Variants in DLGAP1 observed in about 807,000 individuals in gnomAD.
DLGAP1 encodes disks large-associated protein 1.
DLGAP1 carries 11 observed loss-of-function variants against 90.8 expected under a neutral mutation model. The observed-to-expected ratio is 0.12, with a 90% CI of 0.08 to 0.20. The LOEUF is 0.20. DLGAP1 is among the 10% of genes least tolerant of loss of function. DLGAP1 has a pLI of 1.00. For missense variants in DLGAP1, 1,050 were observed against 1,333.8 expected (o/e 0.79, Z 3.31); for synonymous variants, 558 against 540.7 (o/e 1.03, Z -0.44).
intron 2 of DLGAP1, among the ~76,000 whole-genome samples, chr18:4,032,548 A>T (rs994451292): frequency 6.7e-6 from 1 of 150,140 alleles, no homozygotes; most frequent in Non-Finnish European, 1.5e-5. Flanking sequence ...TGGGGTCAGG[A>T]GGTAAAGAGG....
chr18:4,343,200 G>A (rs942533495), intron 1 of DLGAP1, among the ~76,000 whole-genome samples: 6 of 151,764 alleles, frequency 4.0e-5, no homozygotes, highest in East Asian at 1.9e-4. Flanking sequence ...CCAGCTACTC[G>A]GGAGGCTGAG....
intron 3 of DLGAP1, among the ~76,000 whole-genome samples, chr18:3,993,514 A>AAAGGGAGGGGGT: frequency 6.6e-6 from 1 of 152,028 alleles, no homozygotes; most frequent in Non-Finnish European, 1.5e-5. Flanking sequence ...TGAAGGGGAG[A>AAAGGGAGGGGGT]AAGGGAGGGG....
intron 1 of DLGAP1, among the ~76,000 whole-genome samples, chr18:4,391,040 T>C (rs1183631351): frequency 6.6e-6 from 1 of 152,190 alleles, no homozygotes; most frequent in East Asian, 1.9e-4. Flanking sequence ...CTATCCCGAT[T>C]GACACATATA....
chr18:4,237,134 C>A (rs1158083181), intron 1 of DLGAP1, among the ~76,000 whole-genome samples: 1 of 152,244 alleles, frequency 6.6e-6, no homozygotes, highest in East Asian at 1.9e-4. Flanking sequence ...ACTGTGTGTG[C>A]CTTTCTGTTA....
chr18:3,527,891 T>TG (rs1433843435), intron 10 of DLGAP1, among the ~76,000 whole-genome samples: 1 of 152,150 alleles, frequency 6.6e-6, no homozygotes, highest in African/African-American at 2.4e-5. Context: ...CCACGCCCAG[T>TG]GGGGGTATTT....
At chr18:3,955,256 G>A (rs911763595) in intron 3 of DLGAP1, among the ~76,000 whole-genome samples, 59 of 152,156 alleles carry the variant, frequency 3.9e-4, no homozygotes, top group African/African-American at 1.3e-3. Context: ...GGCATGCTCC[G>A]GACTTGTCTA....
At chr18:3,996,257 A>C (rs1161365986) in intron 3 of DLGAP1, among the ~76,000 whole-genome samples, 1 of 152,108 alleles carries the variant, frequency 6.6e-6, no homozygotes, top group Non-Finnish European at 1.5e-5. Context: ...CTTTAGGACA[A>C]AGTGAATTAA....
At chr18:4,120,296 A>G (rs750261925) in intron 2 of DLGAP1, among the ~76,000 whole-genome samples, 1 of 152,236 alleles carries the variant, frequency 6.6e-6, no homozygotes, top group African/African-American at 2.4e-5. Context: ...ACAGGTCATC[A>G]GATGGCGTCA....
chr18:3,910,514 T>C (rs529186186), intron 3 of DLGAP1, among the ~76,000 whole-genome samples: 2 of 152,278 alleles, frequency 1.3e-5, no homozygotes, highest in South Asian at 4.1e-4. Context: ...TCAAATTCAA[T>C]AGCCATTTAG....
chr18:3,756,232 G>A (rs1458673970), intron 5 of DLGAP1, among the ~76,000 whole-genome samples: 6 of 151,952 alleles, frequency 3.9e-5, no homozygotes, highest in African/African-American at 1.5e-4. Context: ...TGTATTTTTA[G>A]TAGAGACGGG....
chr18:4,193,695 A>C, intron 1 of DLGAP1, among the ~76,000 whole-genome samples: 1 of 152,230 alleles, frequency 6.6e-6, no homozygotes, highest in East Asian at 1.9e-4. Flanking sequence ...TTAGTGTTTT[A>C]TAAATATTGG....
chr18:4,367,361 T>C (rs990507298), intron 1 of DLGAP1, among the ~76,000 whole-genome samples: 1 of 152,106 alleles, frequency 6.6e-6, no homozygotes, highest in Non-Finnish European at 1.5e-5. Flanking sequence ...GTATCCATTA[T>C]GATCCCTTTC....
At chr18:3,756,799 G>T (rs1043118463) in intron 5 of DLGAP1, among the ~76,000 whole-genome samples, 5 of 152,088 alleles carry the variant, frequency 3.3e-5, no homozygotes, top group African/African-American at 1.2e-4. Context: ...AAAGTAAAAA[G>T]ATTGTAAGAG....
intron 2 of DLGAP1, among the ~76,000 whole-genome samples, chr18:4,097,098 C>T (rs985095479): frequency 6.6e-6 from 1 of 152,190 alleles, no homozygotes; most frequent in Non-Finnish European, 1.5e-5. Flanking sequence ...ATATATTATT[C>T]AATTGAACAA....
At chr18:3,725,005 TTA>T (rs1368126210) in intron 7 of DLGAP1, among the ~76,000 whole-genome samples, 2 of 152,144 alleles carry the variant, frequency 1.3e-5, no homozygotes, top group African/African-American at 2.4e-5. Flanking sequence ...TATTCAAATG[TTA>T]TATTTGGCAT....
rs201510471 is a variant in DLGAP1 at position 3,673,845 on chromosome 18, C to CT, written c.1591+55289dup. Among the ~76,000 whole-genome samples, 26 of 142,124 alleles carry CT rather than the reference C, an allele frequency of 1.8e-4. 1 individual carries two copies. The highest frequency in any genetic ancestry group is 3.6e-4 in the African/African-American group (14 of 38,410). 93.2% of individuals were successfully genotyped at this position (142,124 alleles called of 152,430 possible). On this transcript the variant is annotated intron_variant, in intron 7 of 12. Coordinates refer to ENST00000315677, the MANE Select transcript of DLGAP1 (RefSeq NM_004746.4). ...ACAGGAGTGAGCCACTGTACCCAGC[C>CT]TTTTTTTTTTCTTTTGAGAGGGAGT...
At chr18:3,887,405 A>G (rs1357013593) in intron 3 of DLGAP1, among the ~76,000 whole-genome samples, 2 of 152,298 alleles carry the variant, frequency 1.3e-5, no homozygotes, top group Non-Finnish European at 2.9e-5. Context: ...CACTTGTGCT[A>G]AAGATTTCTC....
intron 1 of DLGAP1, among the ~76,000 whole-genome samples, chr18:4,364,521 A>G (rs1191247192): frequency 6.6e-6 from 1 of 152,090 alleles, no homozygotes; most frequent in Non-Finnish European, 1.5e-5. Context: ...AACAAACAGT[A>G]ATGGCAATAA....
At chr18:4,313,342 A>G (rs775165242) in intron 1 of DLGAP1, among the ~76,000 whole-genome samples, 38 of 152,168 alleles carry the variant, frequency 2.5e-4, no homozygotes, top group Non-Finnish European at 1.0e-4. Flanking sequence ...GTATCCTTAA[A>G]TAGGGTGGTC....
Sources: allele counts gnomAD v4.1 joint callset (sites outside exome capture counted in the v4.1 genomes callset), GRCh38; gene constraint gnomAD v4.1.1; transcripts MANE v1.5; gene names NCBI Gene and HGNC (gene_info 2026-07-23, HGNC 2026-07-21).